The following NTRK1 variants were observed in gnomAD, a reference collection of about 807,000 sequenced individuals.
The protein encoded by NTRK1 is neurotrophic receptor tyrosine kinase 1, also known as high affinity nerve growth factor receptor.
A neutral mutation model predicts 86.8 loss-of-function variants in NTRK1; 62 were observed. The ratio of observed to expected loss-of-function variants is 0.71; its 90% CI spans 0.58 to 0.88. The LOEUF (loss-of-function observed/expected upper bound fraction) is 0.88. Among genes scored for constraint, NTRK1 ranks in the 40% least tolerant of loss-of-function variants. The pLI is 0.00. For missense variants in NTRK1, 967 were observed against 1,078.4 expected, an observed-to-expected ratio of 0.90 and a Z score of 1.45; for synonymous variants, 469 against 456.6, an observed-to-expected ratio of 1.03 and a Z score of -0.35.
At chr1:156,843,089 G>A (rs199768028) in intron 2 of NTRK1, 40 of 1,613,974 alleles carry the variant, frequency 2.5e-5, no homozygotes, top group African/African-American at 2.1e-4. Flanking sequence ...CTCATTCACC[G>A]TCTTCAGGGC....
Position 156,876,550 on chromosome 1 carries a change from G to T in NTRK1, c.1783G>T (p.Gly595Trp). Residue 595 changes from glycine (G) to tryptophan (W), a missense_variant, in exon 14 of 17, where the codon GGG (glycine) becomes TGG (tryptophan). This residue lies in a region of NTRK1 where 637 missense variants were observed against 776.5 expected (regional missense o/e 0.82). Transcript: ENST00000524377. ...LLMVFEYMRH[G>W]DLNRFLRSHG... ...CATGGTCTTTGAGTATATGCGGCAC[G>T]GGGACCTCAACCGCTTCCTCCGGTA... The T allele has an allele frequency of 6.2e-7, 1 of 1,612,928 alleles. No homozygotes were observed. The highest frequency in any genetic ancestry group is 8.5e-7 in the Non-Finnish European group (1 of 1,179,882).
At chr1:156,835,772 AG>A (rs1182227066) in intron 1 of NTRK1, among the ~76,000 whole-genome samples, 1 of 152,242 alleles carries the variant, frequency 6.6e-6, no homozygotes, top group Non-Finnish European at 1.5e-5. Flanking sequence ...TAGCTTACAA[AG>A]CACTGGGCAT....
intron 1 of NTRK1, among the ~76,000 whole-genome samples, chr1:156,822,167 C>T (rs1203088641): frequency 6.6e-6 from 1 of 152,184 alleles, no homozygotes; most frequent in African/African-American, 2.4e-5. Context: ...ACACGGTCCA[C>T]CCCCTGTGCC....
intron 10 of NTRK1, 53 bp downstream of exon 10, chr1:156,874,679 G>A (rs1214822793): frequency 1.3e-6 from 2 of 1,550,118 alleles, no homozygotes; most frequent in Non-Finnish European, 1.8e-6. Flanking sequence ...AGGCTGGGTA[G>A]AGGCTCATCT....
intron 2 of NTRK1, chr1:156,849,368 T>C: frequency 6.2e-7 from 1 of 1,613,634 alleles, no homozygotes; most frequent in Non-Finnish European, 8.5e-7. Context: ...GAAGGCGAAG[T>C]AGATCTTGCC....
At chr1:156,835,510 C>A (rs954779113) in intron 1 of NTRK1, among the ~76,000 whole-genome samples, 4 of 152,044 alleles carry the variant, frequency 2.6e-5, no homozygotes, top group Non-Finnish European at 5.9e-5. Context: ...AGAGAAAATA[C>A]AGATAAGCAA....
At chr1:156,839,789 G>T (rs1654707418) in intron 1 of NTRK1, among the ~76,000 whole-genome samples, 1 of 152,196 alleles carries the variant, frequency 6.6e-6, no homozygotes, top group African/African-American at 2.4e-5. Flanking sequence ...GTCCGGGACT[G>T]GTTGGTTCTG....
At position 156,879,140 on chromosome 1, in the gene NTRK1, C is replaced by T. The variant is rs1259173197; in HGVS notation, c.1824C>T (p.Ala608=). Residue 608 remains alanine (A), a synonymous_variant, in exon 15 of 17, where the codon GCC becomes GCT. Transcript: ENST00000524377. ...TTCACAGATCCCATGGACCTGATGCCAAGCTGCTGGCTGGTGGGGAGGATG... is the reference window on the plus strand; with the variant it reads ...TTCACAGATCCCATGGACCTGATGCTAAGCTGCTGGCTGGTGGGGAGGATG... The part of the protein sequence containing the change: ...NRFLRSHGPD[A]KLLAGGEDVA... 4 of 1,613,900 alleles carry T rather than the reference C, an allele frequency of 2.5e-6. No homozygotes were observed.
intron 2 of NTRK1, chr1:156,851,861 G>C (rs1434190992): frequency 6.4e-7 from 1 of 1,574,224 alleles, no homozygotes; most frequent in Admixed American, 1.7e-5. Flanking sequence ...CTGCTCCCAG[G>C]GTGCCCCCCA....
intron 15 of NTRK1, 36 bp from the exon 16 acceptor site, chr1:156,879,963 C>G (rs780318714): frequency 6.8e-6 from 11 of 1,609,702 alleles, no homozygotes; most frequent in Non-Finnish European, 7.6e-6. Context: ...CTGTCCCAGG[C>G]GCCCCTGGAA....
rs75311154 is a variant in NTRK1, at chr1:156,876,274, A to G, written c.1632+64A>G. 9.6e-4 allele frequency: 1,540 copies of G among 1,611,960 alleles called. 7 individuals are homozygous for G. In the African/African-American group the frequency reaches 0.016, roughly 17 times the overall value. ...CCACCCCCAGGAGCTCCATCACATC[A>G]GGACAGAGTGGGGGGAGATGCAGAG... On this transcript the variant is annotated intron_variant, in intron 13 of 16. Coordinates refer to ENST00000524377, the MANE Select transcript of NTRK1 (RefSeq NM_002529.4).
intron 1 of NTRK1, among the ~76,000 whole-genome samples, chr1:156,822,444 C>A (rs1336192993): frequency 6.6e-6 from 1 of 152,042 alleles, no homozygotes; most frequent in Non-Finnish European, 1.5e-5. Context: ...TACTTGTAGT[C>A]CCAGCTACTT....
chr1:156,848,787 G>T, intron 2 of NTRK1: 2 of 1,046,186 alleles, frequency 1.9e-6, no homozygotes, highest in Non-Finnish European at 2.7e-6. Flanking sequence ...GCCCTACCAC[G>T]GAGTACAACT....
chr1:156,846,107 G>C (rs1187187015), intron 2 of NTRK1: 15 of 1,601,224 alleles, frequency 9.4e-6, no homozygotes, highest in Non-Finnish European at 1.3e-5. Flanking sequence ...GACGTCTTGG[G>C]GCACCGTGGG....
At chr1:156,875,762 C>T in intron 12 of NTRK1, 96 bp downstream of exon 12, 1 of 1,502,822 alleles carries the variant, frequency 6.7e-7, no homozygotes, top group Non-Finnish European at 9.0e-7. Flanking sequence ...TGAACGATCC[C>T]TCCCTTTCTC....
chr1:156,858,472 G>GT, upstream of NTRK1: 1 of 1,292,512 alleles, frequency 7.7e-7, no homozygotes, highest in Non-Finnish European at 1.1e-6. Flanking sequence ...TGCAAGCTCA[G>GT]TTTTTTGGCC....
At chr1:156,881,175 A>G (rs1223095117) in intron 16 of NTRK1, among the ~76,000 whole-genome samples, 3 of 151,974 alleles carry the variant, frequency 2.0e-5, no homozygotes, top group African/African-American at 4.8e-5. Context: ...GCCTTCCTCA[A>G]CCCACCTGGC....
intron 1 of NTRK1, among the ~76,000 whole-genome samples, chr1:156,830,558 T>TC (rs1490342728): frequency 7.0e-6 from 1 of 143,184 alleles, no homozygotes; most frequent in Non-Finnish European, 1.5e-5. Flanking sequence ...TTCTTTTTTT[T>TC]TTTTTTTTTT....
At chr1:156,878,347 T>C (rs909105239) in intron 14 of NTRK1, among the ~76,000 whole-genome samples, 2 of 152,196 alleles carry the variant, frequency 1.3e-5, no homozygotes, top group Non-Finnish European at 2.9e-5. Context: ...AAGCCTTCCC[T>C]GGCTTTTTCC....
Sources: allele counts gnomAD v4.1 joint callset (sites outside exome capture counted in the v4.1 genomes callset), GRCh38; gene constraint gnomAD v4.1.1; regional missense constraint gnomAD v4.1.1; transcripts MANE v1.5; gene names NCBI Gene and HGNC (gene_info 2026-07-23, HGNC 2026-07-21).